SGCZ: variants seen among roughly 807,000 people sequenced by gnomAD.
SGCZ encodes the protein zeta-sarcoglycan.
Under a neutral mutation model 41.3 loss-of-function variants are expected in SGCZ, and 40 were observed. The ratio of observed to expected loss-of-function variants is 0.97; its 90% CI spans 0.75 to 1.26. The LOEUF (loss-of-function observed/expected upper bound fraction) is 1.26. Among genes scored for constraint, SGCZ ranks in the 50% most tolerant of loss-of-function variants. SGCZ has a pLI of 0.00. For missense variants in SGCZ, 552 were observed against 369.8 expected (o/e 1.49, Z -4.04); for synonymous variants, 206 against 137.5 (o/e 1.50, Z -3.49).
intron 1 of SGCZ, among the ~76,000 whole-genome samples, chr8:15,052,610 A>C (rs921715): frequency 0.96 from 145,895 of 152,078 alleles, 70,261 homozygotes; most frequent in East Asian, 1. Flanking sequence ...TCATGTGGAG[A>C]TGTTCCCTAA....
intron 1 of SGCZ, among the ~76,000 whole-genome samples, chr8:14,989,110 G>C (rs1801923839): frequency 6.6e-6 from 1 of 152,178 alleles, no homozygotes; most frequent in Admixed American, 6.6e-5. Flanking sequence ...TCCCAGGACA[G>C]TAGAAACCCC....
At chr8:14,643,738 C>A (rs1405710175) in intron 1 of SGCZ, among the ~76,000 whole-genome samples, 1 of 151,624 alleles carries the variant, frequency 6.6e-6, no homozygotes, top group Non-Finnish European at 1.5e-5. Context: ...ATAAACCAGG[C>A]CTGTCTTGCA....
intron 3 of SGCZ, among the ~76,000 whole-genome samples, chr8:14,274,809 T>A (rs2117272214): frequency 1.3e-5 from 2 of 152,190 alleles, no homozygotes; most frequent in South Asian, 4.1e-4. Flanking sequence ...ATCAAAATTA[T>A]TAAAATCATA....
At chr8:14,124,194 A>C (rs965380837) in intron 5 of SGCZ, among the ~76,000 whole-genome samples, 3 of 152,222 alleles carry the variant, frequency 2.0e-5, no homozygotes, top group African/African-American at 7.2e-5. Flanking sequence ...AGCAGCACCA[A>C]GAAATTAATA....
chr8:14,480,489 A>G (rs1011548397), intron 2 of SGCZ, among the ~76,000 whole-genome samples: 2 of 152,126 alleles, frequency 1.3e-5, no homozygotes, highest in East Asian at 3.9e-4. Context: ...CTACACACCA[A>G]CAGTACTTAA....
At chr8:14,989,856 G>A (rs1801948270) in intron 1 of SGCZ, among the ~76,000 whole-genome samples, 1 of 152,158 alleles carries the variant, frequency 6.6e-6, no homozygotes. Flanking sequence ...CTGGAATTCT[G>A]GATGAACAAT....
intron 1 of SGCZ, among the ~76,000 whole-genome samples, chr8:15,137,201 C>T (rs1332401842): frequency 1.3e-5 from 2 of 151,088 alleles, no homozygotes; most frequent in African/African-American, 2.5e-5. Flanking sequence ...GCATTATGCC[C>T]CTGCCCTAGA....
At chr8:14,975,254 C>CA (rs1236388097) in intron 1 of SGCZ, among the ~76,000 whole-genome samples, 1 of 152,096 alleles carries the variant, frequency 6.6e-6, no homozygotes, top group Non-Finnish European at 1.5e-5. Flanking sequence ...TGCAGTGAGC[C>CA]AAGATCGCAC....
chr8:14,227,282 A>G (rs1224843331), intron 4 of SGCZ, among the ~76,000 whole-genome samples: 2 of 152,094 alleles, frequency 1.3e-5, no homozygotes, highest in Non-Finnish European at 2.9e-5. Flanking sequence ...TCTAATTATG[A>G]CATGAGAAAA....
chr8:14,165,579 A>T (rs1352994544), intron 4 of SGCZ, among the ~76,000 whole-genome samples: 2 of 152,074 alleles, frequency 1.3e-5, no homozygotes, highest in African/African-American at 4.8e-5. Context: ...TGGACATAAC[A>T]CTTTTGGCAT....
intron 4 of SGCZ, among the ~76,000 whole-genome samples, chr8:14,217,876 C>T (rs1448006303): frequency 6.6e-6 from 1 of 151,952 alleles, no homozygotes; most frequent in Non-Finnish European, 1.5e-5. Context: ...AGTGATCCAC[C>T]CGCCTCAGCC....
chr8:15,161,950 G>A (rs1453526151), intron 1 of SGCZ, among the ~76,000 whole-genome samples: 1 of 152,188 alleles, frequency 6.6e-6, no homozygotes, highest in Non-Finnish European at 1.5e-5. Flanking sequence ...AGAATCACTT[G>A]AGCCCAGGAA....
intron 3 of SGCZ, among the ~76,000 whole-genome samples, chr8:14,242,783 G>C (rs1330875248): frequency 1.3e-5 from 2 of 152,014 alleles, no homozygotes; most frequent in Non-Finnish European, 2.9e-5. Flanking sequence ...CCATAATTTT[G>C]TTTCAAATAT....
chr8:14,147,162 A>G (rs1191379370), intron 5 of SGCZ, among the ~76,000 whole-genome samples: 1 of 152,124 alleles, frequency 6.6e-6, no homozygotes, highest in Non-Finnish European at 1.5e-5. Context: ...ATCACTGGAG[A>G]AAATCACCTT....
At chr8:15,175,078 A>C (rs1799957039) in intron 1 of SGCZ, among the ~76,000 whole-genome samples, 1 of 152,206 alleles carries the variant, frequency 6.6e-6, no homozygotes, top group South Asian at 2.1e-4. Context: ...ACAAACCTGC[A>C]CATTCTGCAC....
intron 4 of SGCZ, among the ~76,000 whole-genome samples, chr8:14,212,565 C>T (rs1805854155): frequency 6.7e-6 from 1 of 149,250 alleles, no homozygotes; most frequent in Non-Finnish European, 1.5e-5. Context: ...ACACATTAAA[C>T]CTAAACCAGG....
At chr8:14,869,932 A>G (rs940850822) in intron 1 of SGCZ, among the ~76,000 whole-genome samples, 24 of 152,226 alleles carry the variant, frequency 1.6e-4, no homozygotes, top group Admixed American at 1.6e-3. Flanking sequence ...CTAAGAGAGG[A>G]CACAAACAAA....
Position 14,260,968 on chromosome 8 carries a change from G to C in SGCZ, c.337-23289C>G, listed in dbSNP as rs555546943. Among the ~76,000 whole-genome samples, 5 of 152,244 alleles carry C rather than the reference G, an allele frequency of 3.3e-5. No individual in the cohort carries two copies. The East Asian group carries it at 9.7e-4, about 29-fold the overall frequency. On this transcript the variant is annotated intron_variant, in intron 3 of 7. Coordinates refer to ENST00000382080, the MANE Select transcript of SGCZ (RefSeq NM_139167.4). Reference sequence around the variant, plus strand: ...GTTGTGGGGTGTGGGGAGTGGGGAGGGATAGCATTGGGAGATATACCTAAC... The same window carrying C: ...GTTGTGGGGTGTGGGGAGTGGGGAGCGATAGCATTGGGAGATATACCTAAC...
At chr8:14,811,938 A>G (rs1002910269) in intron 1 of SGCZ, among the ~76,000 whole-genome samples, 2 of 151,962 alleles carry the variant, frequency 1.3e-5, no homozygotes, top group Admixed American at 6.6e-5. Flanking sequence ...TGCATTCATC[A>G]ATTAATTATC....
Sources: allele counts gnomAD v4.1 joint callset (sites outside exome capture counted in the v4.1 genomes callset), GRCh38; gene constraint gnomAD v4.1.1; transcripts MANE v1.5; gene names NCBI Gene and HGNC (gene_info 2026-07-23, HGNC 2026-07-21).